The following CHN2 variants were observed in gnomAD, a reference collection of about 807,000 sequenced individuals.
CHN2 encodes chimerin 2, also known as beta-chimaerin.
In CHN2, 35 loss-of-function variants were observed where a neutral mutation model predicts 56.3. The observed-to-expected ratio is 0.62, with a 90% confidence interval of 0.47 to 0.82. The LOEUF (loss-of-function observed/expected upper bound fraction) is 0.82. Among genes scored for constraint, CHN2 ranks in the 40% least tolerant of loss-of-function variants. The pLI is 0.00. For synonymous variants in CHN2, 210 were observed against 212.8 expected, an observed-to-expected ratio of 0.99 and a Z score of 0.12; for missense variants, 491 against 580.5, an observed-to-expected ratio of 0.85 and a Z score of 1.58.
intron 2 of CHN2, among the ~76,000 whole-genome samples, chr7:29,152,395 C>T (rs1426059698): frequency 6.6e-6 from 1 of 152,158 alleles, no homozygotes; most frequent in Non-Finnish European, 1.5e-5. Context: ...AGCCAGTCCC[C>T]AGGTCTCTTT....
intron 1 of CHN2, among the ~76,000 whole-genome samples, chr7:29,249,623 T>A (rs1283969181): frequency 6.6e-6 from 1 of 152,226 alleles, no homozygotes; most frequent in Non-Finnish European, 1.5e-5. Flanking sequence ...GCCTTTCTGC[T>A]CTAAGCCATT....
chr7:29,188,842 T>G (rs1799034859), intron 2 of CHN2, among the ~76,000 whole-genome samples: 2 of 152,186 alleles, frequency 1.3e-5, no homozygotes, highest in African/African-American at 4.8e-5. Flanking sequence ...AAATCATTTC[T>G]ATAGCTATTT....
At chr7:29,268,121 C>G (rs551062472) in intron 1 of CHN2, among the ~76,000 whole-genome samples, 1 of 152,114 alleles carries the variant, frequency 6.6e-6, no homozygotes, top group African/African-American at 2.4e-5. Context: ...TAGTGAAACT[C>G]CTGAAACTAA....
chr7:29,457,981 T>C (rs1784888157), intron 6 of CHN2, among the ~76,000 whole-genome samples: 1 of 152,204 alleles, frequency 6.6e-6, no homozygotes, highest in Non-Finnish European at 1.5e-5. Context: ...GTCTCTGAAA[T>C]TTACAAATAA....
Position 29,182,644 on chromosome 7 carries a change from T to A in CHN2, c.274+35684T>A, listed in dbSNP as rs184986780. ...TTGTCTACACAATTACGTACACTCA[T>A]GTCTAAAAATACAAATTGAGTAAAC... On this transcript the variant is annotated intron_variant, in intron 2 of 6. Coordinates refer to the CHN2 transcript ENST00000439384. 3.4e-3 allele frequency among the ~76,000 whole-genome samples: 518 copies of A among 152,350 alleles called. 3 individuals carry two copies. The highest frequency in any genetic ancestry group is 0.014 in the South Asian group (70 of 4,828).
intron 2 of CHN2, among the ~76,000 whole-genome samples, chr7:29,165,134 T>G (rs1795738885): frequency 6.6e-6 from 1 of 152,162 alleles, no homozygotes; most frequent in South Asian, 2.1e-4. Flanking sequence ...AATCTAAAGA[T>G]CAATGTGGGG....
chr7:29,186,209 T>C (rs1039180603), intron 2 of CHN2, among the ~76,000 whole-genome samples: 3 of 151,952 alleles, frequency 2.0e-5, no homozygotes, highest in Non-Finnish European at 4.4e-5. Flanking sequence ...ACAAGTCCTA[T>C]GAGTTCCCCA....
At chr7:29,473,148 G>A (rs911836456) in intron 6 of CHN2, among the ~76,000 whole-genome samples, 3 of 152,224 alleles carry the variant, frequency 2.0e-5, no homozygotes, top group South Asian at 2.1e-4. Context: ...GCCTTAAATC[G>A]TCTTTGGAGG....
chr7:29,400,317 A>G lies in CHN2; in HGVS notation c.291-226A>G, dbSNP rs532506795. 7.0e-6 allele frequency: 4 copies of G among 572,106 alleles called. No homozygotes were observed. The South Asian group carries it at 9.2e-5, about 13-fold the overall frequency. 35.4% of individuals were successfully genotyped at this position (572,106 alleles called of 1,614,324 possible). ...TTCCAGTCATATAAACTCAAGCAGG[A>G]ACCGCCATCTCTTCAAGCATCAGTT... On this transcript the variant is annotated intron_variant, in intron 5 of 12. Coordinates refer to ENST00000222792, the MANE Select transcript of CHN2 (RefSeq NM_004067.4).
At chr7:29,407,358 T>C (rs1160191319) in intron 6 of CHN2, among the ~76,000 whole-genome samples, 1 of 151,834 alleles carries the variant, frequency 6.6e-6, no homozygotes, top group Non-Finnish European at 1.5e-5. Context: ...GTGGAGAGGC[T>C]TGGTGACTTC....
intron 6 of CHN2, among the ~76,000 whole-genome samples, chr7:29,419,950 C>T (rs1250784870): frequency 6.6e-6 from 1 of 151,966 alleles, no homozygotes; most frequent in African/African-American, 2.4e-5. Context: ...ATCCCAGCTA[C>T]TCGGGAGGCC....
chr7:29,334,653 G>A (rs865956881), intron 1 of CHN2: 2 of 152,336 alleles, frequency 1.3e-5, no homozygotes, highest in Non-Finnish European at 2.9e-5. Context: ...CTACTCAGGC[G>A]GCTGAAGTCG....
At chr7:29,287,263 A>G (rs1792225695) in intron 1 of CHN2, among the ~76,000 whole-genome samples, 1 of 152,176 alleles carries the variant, frequency 6.6e-6, no homozygotes, top group Admixed American at 6.5e-5. Flanking sequence ...CATCTGAGCC[A>G]CCTTGCCCCC....
intron 1 of CHN2, among the ~76,000 whole-genome samples, chr7:29,324,510 GC>G (rs1795645919): frequency 6.6e-6 from 1 of 152,010 alleles, no homozygotes; most frequent in South Asian, 2.1e-4. Flanking sequence ...TTTTTGCAAA[GC>G]CATTTCATTA....
At chr7:29,183,161 T>C (rs1798280506) in intron 2 of CHN2, among the ~76,000 whole-genome samples, 1 of 151,746 alleles carries the variant, frequency 6.6e-6, no homozygotes, top group Non-Finnish European at 1.5e-5. Context: ...CTTGGCTCAT[T>C]GTAACCTCCG....
upstream of CHN2, among the ~76,000 whole-genome samples, chr7:29,191,267 A>T (rs1327929913): frequency 6.6e-6 from 1 of 152,240 alleles, no homozygotes; most frequent in African/African-American, 2.4e-5. Flanking sequence ...AATATATACC[A>T]AAAGTACCAT....
chr7:29,342,750 A>G (rs536393363), intron 1 of CHN2, among the ~76,000 whole-genome samples: 2 of 152,382 alleles, frequency 1.3e-5, no homozygotes, highest in South Asian at 4.1e-4. Context: ...CCTCCATTCT[A>G]GCAGCACTTT....
chr7:29,382,460 A>G (rs1281763586), intron 3 of CHN2, among the ~76,000 whole-genome samples: 7 of 152,184 alleles, frequency 4.6e-5, no homozygotes, highest in Non-Finnish European at 1.0e-4. Context: ...GCTACCACCA[A>G]TGCCAGTCTT....
intron 1 of CHN2, among the ~76,000 whole-genome samples, chr7:29,264,003 A>T (rs193022230): frequency 4.4e-5 from 5 of 113,448 alleles, no homozygotes; most frequent in African/African-American, 2.4e-4. Flanking sequence ...CAGCCGCCCC[A>T]TCCGGGAGCT....
Sources: allele counts gnomAD v4.1 joint callset (sites outside exome capture counted in the v4.1 genomes callset), GRCh38; gene constraint gnomAD v4.1.1; transcripts MANE v1.5; gene names NCBI Gene and HGNC (gene_info 2026-07-23, HGNC 2026-07-21).